Variants in EXOC4 observed in about 807,000 individuals in gnomAD.
EXOC4 encodes the protein SEC8-like 1.
EXOC4 carries 71 observed loss-of-function variants against 107.2 expected under a neutral mutation model. That is an observed-to-expected ratio of 0.66 (90% CI 0.55 to 0.81). The LOEUF (loss-of-function observed/expected upper bound fraction) is 0.81. EXOC4 is among the 30% of genes least tolerant of loss of function. EXOC4 has a pLI of 0.00. For synonymous variants in EXOC4, 456 were observed against 441.2 expected (o/e 1.03, Z -0.42); for missense variants, 1,108 against 1,189.6 (o/e 0.93, Z 1.01).
At chr7:134,033,839 TAAGTGCTAAG>T (rs1262948691) in intron 17 of EXOC4, among the ~76,000 whole-genome samples, 1 of 152,180 alleles carries the variant, frequency 6.6e-6, no homozygotes, top group Non-Finnish European at 1.5e-5. Flanking sequence ...TCAATAGCAC[TAAGTGCTAAG>T]AAATAATGAA....
chr7:133,911,458 T>C (rs1799693637), intron 12 of EXOC4, among the ~76,000 whole-genome samples: 1 of 152,210 alleles, frequency 6.6e-6, no homozygotes, highest in Non-Finnish European at 1.5e-5. Context: ...TTGGTGTTCA[T>C]TCCAAATGTA....
intron 1 of EXOC4, among the ~76,000 whole-genome samples, chr7:133,264,682 T>C (rs1177754252): frequency 1.3e-5 from 2 of 152,206 alleles, no homozygotes; most frequent in Non-Finnish European, 2.9e-5. Flanking sequence ...CTCATAATTC[T>C]GAGTAACTCA....
intron 13 of EXOC4, among the ~76,000 whole-genome samples, chr7:133,929,598 G>T (rs560340882): frequency 1.3e-5 from 2 of 152,098 alleles, no homozygotes; most frequent in East Asian, 1.9e-4. Flanking sequence ...AGATTCAGGG[G>T]TGTGTATGCA....
chr7:133,510,757 C>T (rs909933164), intron 9 of EXOC4, among the ~76,000 whole-genome samples: 2 of 152,152 alleles, frequency 1.3e-5, no homozygotes, highest in African/African-American at 4.8e-5. Context: ...CAAATAACTA[C>T]TTAGTATTGT....
chr7:133,754,884 A>T (rs1405496707), intron 10 of EXOC4, among the ~76,000 whole-genome samples: 2 of 152,006 alleles, frequency 1.3e-5, no homozygotes, highest in Non-Finnish European at 2.9e-5. Flanking sequence ...CTTGCTCTTT[A>T]TGAGGAGGGA....
chr7:133,745,427 G>C (rs1432846769), intron 10 of EXOC4, among the ~76,000 whole-genome samples: 1 of 151,952 alleles, frequency 6.6e-6, no homozygotes, highest in African/African-American at 2.4e-5. Context: ...CTATCTTCTA[G>C]CATTGTTATC....
At chr7:133,337,132 A>G (rs1189208557) in intron 5 of EXOC4, among the ~76,000 whole-genome samples, 1 of 152,104 alleles carries the variant, frequency 6.6e-6, no homozygotes, top group Non-Finnish European at 1.5e-5. Context: ...ACTGTGGTGT[A>G]TTGTTTTGTC....
rs191113074 is a variant in EXOC4 at position 133,774,586 on chromosome 7, A to G, written c.1515-42739A>G. 3.3e-5 allele frequency among the ~76,000 whole-genome samples: 5 copies of G among 152,294 alleles called. No homozygotes were observed. In the East Asian group the frequency reaches 9.7e-4, roughly 29 times the overall value. ...TTGACTATGGATGTGAAGCATAGAA[A>G]GTTCAAGACATTTAACTTGATTTTC... On this transcript the variant is annotated intron_variant, in intron 10 of 17. Coordinates refer to ENST00000253861, the MANE Select transcript of EXOC4 (RefSeq NM_021807.4).
chr7:133,351,164 G>A (rs1003718467), intron 5 of EXOC4, among the ~76,000 whole-genome samples: 17 of 151,920 alleles, frequency 1.1e-4, no homozygotes, highest in Admixed American at 1.1e-3. Flanking sequence ...ATATTGGTTT[G>A]TAGTTTTATT....
intron 9 of EXOC4, among the ~76,000 whole-genome samples, chr7:133,560,762 GA>G (rs2150950493): frequency 6.6e-6 from 1 of 152,238 alleles, no homozygotes; most frequent in Admixed American, 6.5e-5. Context: ...AGTAAAAGAA[GA>G]AAAAGTTTTC....
intron 9 of EXOC4, among the ~76,000 whole-genome samples, chr7:133,515,332 T>TACAC (rs143017406): frequency 0.29 from 43,868 of 149,944 alleles, 7,503 homozygotes; most frequent in East Asian, 0.5. Context: ...CAAGTGTGCA[T>TACAC]ACACACACAC....
intron 9 of EXOC4, among the ~76,000 whole-genome samples, chr7:133,546,651 TC>T (rs1312797106): frequency 6.6e-6 from 1 of 152,142 alleles, no homozygotes; most frequent in East Asian, 1.9e-4. Flanking sequence ...TTTCAAAAGT[TC>T]CCTAGTATCC....
chr7:133,294,509 ATG>A (rs1405866660), intron 3 of EXOC4, among the ~76,000 whole-genome samples: 3 of 152,142 alleles, frequency 2.0e-5, no homozygotes, highest in Non-Finnish European at 4.4e-5. Context: ...GAGATTTTGA[ATG>A]TCTCTTAATC....
rs895918383 is a variant in EXOC4 at position 133,378,065 on chromosome 7, C to A, written c.1182+3063C>A. 2.0e-5 allele frequency among the ~76,000 whole-genome samples: 3 copies of A among 151,916 alleles called. 1 individual carries two copies. The highest frequency in any genetic ancestry group is 7.2e-5 in the African/African-American group (3 of 41,398). ...ATGGCTCATGCCTGTAATGCCAGCA[C>A]TTTGGGAACCCGAGGCGGGTGGATC... On this transcript the variant is annotated intron_variant, in intron 7 of 17. Transcript: ENST00000253861.
intron 11 of EXOC4, among the ~76,000 whole-genome samples, chr7:133,848,473 T>C (rs1798178476): frequency 6.6e-6 from 1 of 152,222 alleles, no homozygotes; most frequent in Admixed American, 6.5e-5. Flanking sequence ...CTAATGAAGC[T>C]AGCAGGCAAA....
At chr7:133,856,658 G>T (rs902786003) in intron 11 of EXOC4, among the ~76,000 whole-genome samples, 1 of 152,098 alleles carries the variant, frequency 6.6e-6, no homozygotes, top group Admixed American at 6.5e-5. Flanking sequence ...TAATAACTAT[G>T]AATTGGAATG....
At chr7:133,952,688 TC>T (rs1800720497) in intron 14 of EXOC4, among the ~76,000 whole-genome samples, 2 of 152,186 alleles carry the variant, frequency 1.3e-5, no homozygotes, top group South Asian at 4.1e-4. Context: ...CCATTCTACT[TC>T]CTATCTCTAT....
chr7:133,945,003 C>T (rs1264943437), intron 14 of EXOC4, among the ~76,000 whole-genome samples: 1 of 152,152 alleles, frequency 6.6e-6, no homozygotes, highest in Non-Finnish European at 1.5e-5. Flanking sequence ...ACTCAAAACC[C>T]ATTCACAAGT....
chr7:133,691,587 C>T (rs888746950), intron 10 of EXOC4, among the ~76,000 whole-genome samples: 2 of 152,086 alleles, frequency 1.3e-5, no homozygotes, highest in Non-Finnish European at 2.9e-5. Flanking sequence ...CAGACATGAC[C>T]TGTGTCTTCA....
Sources: allele counts gnomAD v4.1 joint callset (sites outside exome capture counted in the v4.1 genomes callset), GRCh38; gene constraint gnomAD v4.1.1; transcripts MANE v1.5; gene names NCBI Gene and HGNC (gene_info 2026-07-23, HGNC 2026-07-21).